UBE2G1: variants seen among roughly 807,000 people sequenced by gnomAD.
UBE2G1 encodes the protein ubiquitin conjugating enzyme E2 G1.
Under a neutral mutation model 22.7 loss-of-function variants are expected in UBE2G1, and 5 were observed. That is an observed-to-expected ratio of 0.22 (90% confidence interval 0.12 to 0.46). The LOEUF is 0.46. Among genes scored for constraint, UBE2G1 ranks in the 20% least tolerant of loss-of-function variants. UBE2G1 has a pLI of 0.99. For missense variants in UBE2G1, 88 were observed against 203.9 expected (o/e 0.43, Z 3.46); for synonymous variants, 74 against 67.5 (o/e 1.10, Z -0.47).
intron 1 of UBE2G1, among the ~76,000 whole-genome samples, chr17:4,319,519 G>A (rs1264127079): frequency 6.6e-6 from 1 of 152,182 alleles, no homozygotes; most frequent in Non-Finnish European, 1.5e-5. Flanking sequence ...GTAGATGCTT[G>A]AACCCAGGAG....
At chr17:4,353,855 T>C (rs1490500818) in intron 1 of UBE2G1, among the ~76,000 whole-genome samples, 3 of 135,894 alleles carry the variant, frequency 2.2e-5, no homozygotes, top group African/African-American at 5.8e-5. Context: ...TCTCACTCAG[T>C]CACCCAGGCT....
chr17:4,331,007 C>T (rs1377460670), intron 1 of UBE2G1, among the ~76,000 whole-genome samples: 2 of 151,832 alleles, frequency 1.3e-5, no homozygotes, highest in Middle Eastern at 3.4e-3. Flanking sequence ...CACACACACA[C>T]ATTCCAAACT....
rs1046250910 is a variant in UBE2G1, at chr17:4,271,209, G to A, written c.*1345C>T. On this transcript the variant is annotated 3_prime_UTR_variant, in exon 6 of 6. Transcript: ENST00000396981. ...ATCCAAGTGTACTATTGTTAGTGAC[G>A]GGATCTATACGTCAAATAGCAAAGC... is the stretch of plus-strand genomic sequence containing the variant. The A allele has an allele frequency of 3.9e-5, 6 of 152,500 alleles. No individual in the cohort carries two copies. Among genetic ancestry groups the A allele is most frequent in the African/African-American group, 7.2e-5 (3 of 41,432 alleles). The allele number at this position is 152,500 out of a possible 1,614,324, so 9.4% of individuals were successfully genotyped here. A position where few individuals can be genotyped will look rare whatever the true frequency, so the allele number is the denominator to read the frequency against.
At chr17:4,350,221 G>T (rs1308369430) in intron 1 of UBE2G1, among the ~76,000 whole-genome samples, 3 of 152,184 alleles carry the variant, frequency 2.0e-5, no homozygotes, top group Non-Finnish European at 2.9e-5. Context: ...AGCACTTTGG[G>T]AGGCTGAGAA....
At chr17:4,345,558 C>T (rs1255030521) in intron 1 of UBE2G1, 1 of 152,142 alleles carries the variant, frequency 6.6e-6, no homozygotes, top group Non-Finnish European at 1.5e-5. Context: ...CCTTCGGTAA[C>T]ACTATAAAAA....
intron 1 of UBE2G1, among the ~76,000 whole-genome samples, chr17:4,308,567 T>C (rs536172240): frequency 2.0e-5 from 3 of 152,090 alleles, no homozygotes; most frequent in Admixed American, 6.6e-5. Context: ...TAAGTACTGA[T>C]ATACACCAGA....
At chr17:4,287,366 G>A (rs1046949441) in intron 4 of UBE2G1, among the ~76,000 whole-genome samples, 2 of 151,048 alleles carry the variant, frequency 1.3e-5, no homozygotes, top group African/African-American at 4.9e-5. Flanking sequence ...CCTCCCAAAC[G>A]GCTGGGATTA....
intron 1 of UBE2G1, chr17:4,335,164 G>T (rs1355137563): frequency 6.6e-6 from 1 of 152,064 alleles, no homozygotes; most frequent in Non-Finnish European, 1.5e-5. Flanking sequence ...CATATTAAAA[G>T]GTGTATAAGA....
intron 5 of UBE2G1, among the ~76,000 whole-genome samples, chr17:4,279,788 TATATATATATATATATA>T (rs1968863584): frequency 8.8e-6 from 1 of 113,230 alleles, no homozygotes; most frequent in African/African-American, 5.8e-5. Context: ...AAAAAAGTTA[TATATATATATATATATA>T]TATATATATA....
At chr17:4,359,128 A>T (rs957385371) in intron 1 of UBE2G1, among the ~76,000 whole-genome samples, 2 of 152,002 alleles carry the variant, frequency 1.3e-5, no homozygotes, top group Non-Finnish European at 2.9e-5. Flanking sequence ...GAACTTTTTT[A>T]AAAATTCCTA....
chr17:4,294,714 C>T (rs1464018241), intron 3 of UBE2G1, among the ~76,000 whole-genome samples: 1 of 151,970 alleles, frequency 6.6e-6, no homozygotes, highest in Non-Finnish European at 1.5e-5. Context: ...GAGTTCAGGA[C>T]CTGCCTGGCC....
intron 1 of UBE2G1, among the ~76,000 whole-genome samples, chr17:4,331,526 T>C (rs1189437074): frequency 2.0e-5 from 3 of 152,218 alleles, no homozygotes; most frequent in Non-Finnish European, 2.9e-5. Context: ...CTACACACTT[T>C]TGACAACAAA....
intron 1 of UBE2G1, among the ~76,000 whole-genome samples, chr17:4,321,429 G>A (rs887133892): frequency 2.0e-5 from 3 of 151,434 alleles, no homozygotes; most frequent in African/African-American, 4.9e-5. Flanking sequence ...CCCCCACCCC[G>A]TTTTTTTTAC....
chr17:4,349,104 C>T (rs1393478132), intron 1 of UBE2G1, among the ~76,000 whole-genome samples: 3 of 151,986 alleles, frequency 2.0e-5, no homozygotes, highest in Non-Finnish European at 2.9e-5. Flanking sequence ...GGGCAGATCA[C>T]GAGGTCAGGA....
intron 3 of UBE2G1, among the ~76,000 whole-genome samples, chr17:4,293,303 CAAGT>C (rs1240210234): frequency 1.3e-5 from 2 of 152,204 alleles, no homozygotes; most frequent in African/African-American, 4.8e-5. Context: ...TATGTTGTAG[CAAGT>C]ATCACTACTT....
intron 1 of UBE2G1, among the ~76,000 whole-genome samples, chr17:4,344,608 T>C (rs1055360970): frequency 2.0e-5 from 3 of 150,196 alleles, no homozygotes; most frequent in Admixed American, 2.0e-4. Context: ...CTCACACCTG[T>C]AATCCTAGCA....
At chr17:4,366,011 G>A (rs1294302167) in intron 1 of UBE2G1, among the ~76,000 whole-genome samples, 1 of 152,006 alleles carries the variant, frequency 6.6e-6, no homozygotes, top group Non-Finnish European at 1.5e-5. Flanking sequence ...CGGTGGGGGA[G>A]GGGACCTCCT....
intron 4 of UBE2G1, among the ~76,000 whole-genome samples, chr17:4,285,163 A>T (rs893833234): frequency 1.3e-5 from 2 of 152,056 alleles, no homozygotes; most frequent in African/African-American, 4.8e-5. Context: ...TTTAAAACGA[A>T]AATTTCCCAG....
Position 4,307,259 on chromosome 17 carries a change from C to A in UBE2G1, c.47-136G>T. 7 of 712,374 alleles carry A rather than the reference C, an allele frequency of 9.8e-6. No homozygotes were observed. In the South Asian group the frequency reaches 1.3e-4, roughly 13 times the overall value. The allele number at this position is 712,374 out of a possible 1,614,324, so 44.1% of individuals were successfully genotyped here. A position where few individuals can be genotyped will look rare whatever the true frequency, so the allele number is the denominator to read the frequency against. Reference sequence around the variant, plus strand: ...TAGATATACCTTGCCAGGCAAAATGCTACTTGATGGCCAAAACATTTTCAT... The same window carrying A: ...TAGATATACCTTGCCAGGCAAAATGATACTTGATGGCCAAAACATTTTCAT... On this transcript the variant is annotated intron_variant, in intron 1 of 5. Coordinates refer to ENST00000396981, the MANE Select transcript of UBE2G1 (RefSeq NM_003342.5).
Sources: allele counts gnomAD v4.1 joint callset (sites outside exome capture counted in the v4.1 genomes callset), GRCh38; gene constraint gnomAD v4.1.1; transcripts MANE v1.5; gene names NCBI Gene and HGNC (gene_info 2026-07-23, HGNC 2026-07-21).